TMPRSS4: variants seen among roughly 807,000 people sequenced by gnomAD.
The protein encoded by TMPRSS4 is transmembrane serine protease 4.
Under a neutral mutation model 56.4 loss-of-function variants are expected in TMPRSS4, and 45 were observed. The observed-to-expected ratio is 0.80, with a 90% confidence interval of 0.63 to 1.02. The LOEUF (loss-of-function observed/expected upper bound fraction) is 1.02, where lower values mean the gene tolerates loss of function less well. Among genes scored for constraint, TMPRSS4 ranks in the 50% least tolerant of loss-of-function variants. TMPRSS4 has a pLI of 0.00. For synonymous variants in TMPRSS4, 205 were observed against 211.0 expected (o/e 0.97, Z 0.25); for missense variants, 546 against 556.7 (o/e 0.98, Z 0.19).
At chr11:118,113,551 GC>G in intron 9 of TMPRSS4, 116 bp downstream of exon 9, 1 of 1,244,128 alleles carries the variant, frequency 8.0e-7, no homozygotes, top group Non-Finnish European at 1.1e-6. Flanking sequence ...TCCTCAGCTT[GC>G]CCATTTGTCT....
chr11:118,088,521 T>C (rs1247207559), intron 1 of TMPRSS4, among the ~76,000 whole-genome samples: 1 of 152,166 alleles, frequency 6.6e-6, no homozygotes, highest in Non-Finnish European at 1.5e-5. Context: ...ACCTGGGCCC[T>C]GGGGGCCTGG....
At chr11:118,080,822 G>A (rs1320173215) in intron 1 of TMPRSS4, among the ~76,000 whole-genome samples, 4 of 152,132 alleles carry the variant, frequency 2.6e-5, no homozygotes, top group East Asian at 1.9e-4. Flanking sequence ...AAATCTCCAC[G>A]GCCTCAGACT....
At chr11:118,122,011 AT>A (rs1439051186), downstream of TMPRSS4, 2 of 152,224 alleles carry the variant, frequency 1.3e-5, no homozygotes, top group African/African-American at 4.8e-5. Flanking sequence ...CACCAAAAGA[AT>A]GGAAATAAAA....
intron 11 of TMPRSS4, 163 bp downstream of exon 11, chr11:118,115,443 A>C: frequency 1.2e-6 from 1 of 807,542 alleles, no homozygotes; most frequent in South Asian, 1.8e-5. Flanking sequence ...GGATAGTCAG[A>C]TAAAAGTGTA....
chr11:118,103,392 G>GTTTGTTTGTTTGT (rs779403118), intron 4 of TMPRSS4, 139 bp downstream of exon 4: 48 of 1,154,494 alleles, frequency 4.2e-5, no homozygotes, highest in Middle Eastern at 2.9e-4. Context: ...TTGTTTGTTT[G>GTTTGTTTGTTTGT]TTGTTGTTTT....
chr11:118,092,190 G>A (rs901044756), intron 1 of TMPRSS4, among the ~76,000 whole-genome samples: 4 of 152,028 alleles, frequency 2.6e-5, no homozygotes, highest in Non-Finnish European at 4.4e-5. Flanking sequence ...TGGTGTAACC[G>A]CCCAAGGGGT....
intron 9 of TMPRSS4, 77 bp from the exon 10 acceptor site, chr11:118,114,752 A>T: frequency 7.1e-7 from 1 of 1,399,244 alleles, no homozygotes; most frequent in South Asian, 1.2e-5. Context: ...CCCCATAATC[A>T]TAAAGCATCA....
chr11:118,125,305 T>C (rs992971161), downstream of TMPRSS4: 10 of 456,644 alleles, frequency 2.2e-5, no homozygotes, highest in Non-Finnish European at 4.4e-5. Flanking sequence ...GATAGAACTA[T>C]TCAGAGAAGC....
At chr11:118,111,286 G>A (rs1947264243) in intron 7 of TMPRSS4, among the ~76,000 whole-genome samples, 1 of 152,166 alleles carries the variant, frequency 6.6e-6, no homozygotes, top group African/African-American at 2.4e-5. Flanking sequence ...CCCTGGCCGG[G>A]GAAACAGACT....
In TMPRSS4 at chr11:118,118,517, G is replaced by T. The variant is rs1366214361; in HGVS notation, c.*604G>T. On this transcript the variant is annotated 3_prime_UTR_variant, in exon 13 of 13. Coordinates refer to ENST00000437212, the MANE Select transcript of TMPRSS4 (RefSeq NM_019894.4). ...GGGATGATTGAACTTTCATTCTTTG[G>T]CTTGGGGAGAAAAGAAGTCCTGGGG... 5.1e-6 allele frequency: 5 copies of T among 985,428 alleles called. No homozygotes were observed. The African/African-American group carries it at 8.7e-5, about 17-fold the overall frequency. The allele number at this position is 985,428 out of a possible 1,614,324, so 61.0% of individuals were successfully genotyped here. A position where few individuals can be genotyped will look rare whatever the true frequency, so the allele number is the denominator to read the frequency against.
intron 1 of TMPRSS4, among the ~76,000 whole-genome samples, chr11:118,093,819 C>CG (rs1194776855): frequency 5.8e-4 from 1 of 1,734 alleles, no homozygotes; most frequent in Non-Finnish European, 1.7e-3. Flanking sequence ...TAACTAACTG[C>CG]CCCCCCCAAT....
At chr11:118,090,614 G>GA (rs11369045) in intron 1 of TMPRSS4, among the ~76,000 whole-genome samples, 110,694 of 138,392 alleles carry the variant, frequency 0.8, 46,608 homozygotes, top group Non-Finnish European at 0.93. Context: ...TCATCTCTAC[G>GA]AAAAAAAAAA....
At chr11:118,115,318 G>A (rs1456704995) in intron 11 of TMPRSS4, 38 bp downstream of exon 11, 1 of 1,606,698 alleles carries the variant, frequency 6.2e-7, no homozygotes, top group African/African-American at 1.3e-5. Context: ...TCTAAGAATA[G>A]GGTTTAGGTC....
Position 118,103,087 on chromosome 11 carries a change from C to A in TMPRSS4, c.158-14C>A, listed in dbSNP as rs531883330. On this transcript the variant is annotated splice_polypyrimidine_tract_variant and intron_variant, in intron 3 of 12. Coordinates refer to ENST00000437212, the MANE Select transcript of TMPRSS4 (RefSeq NM_019894.4). The stretch of plus-strand genomic sequence containing the variant: ...CCTCAGCCCTCTCTGCCTCTCCCTG[C>A]ACTTGCCTTCCAGTCAAGGTGATTC... 3 of 1,613,714 alleles carry A rather than the reference C, an allele frequency of 1.9e-6. No homozygotes were observed. The African/African-American group carries it at 4.0e-5, about 21-fold the overall frequency.
chr11:118,104,706 A>T lies in TMPRSS4; in HGVS notation c.326A>T (p.Asp109Val). The T allele has an allele frequency of 6.2e-7, 1 of 1,613,380 alleles. No individual in the cohort carries two copies. The highest frequency in any genetic ancestry group is 8.5e-7 in the Non-Finnish European group (1 of 1,179,804). ...GPAVAVRLSK[D>V]RSTLQVLDSA... is the part of the protein sequence containing the mutation. ...TTCCTCCCAGTCCGCCTCTCCAAGGACCGATCCACACTGCAGGTGCTGGAC... is the reference window on the plus strand; with the variant it reads ...TTCCTCCCAGTCCGCCTCTCCAAGGTCCGATCCACACTGCAGGTGCTGGAC... The change falls in exon 5 of 13, where the codon GAC (aspartate) becomes GTC (valine). Residue 109 changes from aspartate (D) to valine (V), a missense_variant. Transcript: ENST00000437212.
At position 118,114,854 on chromosome 11, in the gene TMPRSS4, C is replaced by G. The variant is rs1196546255; in HGVS notation, c.936C>G (p.Pro312=). The change falls in exon 10 of 13, where the codon CCC becomes CCG. Residue 312 remains proline, a synonymous_variant. Coordinates refer to ENST00000437212, the MANE Select transcript of TMPRSS4 (RefSeq NM_019894.4). Reference sequence around the variant, plus strand: ...GCACAGTCAGGCCCATCTGTCTGCCCTTCTTTGATGAGGAGCTCACTCCAG... The same window carrying G: ...GCACAGTCAGGCCCATCTGTCTGCCGTTCTTTGATGAGGAGCTCACTCCAG... ...FSGTVRPICL[P]FFDEELTPAT... 1.2e-6 allele frequency: 2 copies of G among 1,608,746 alleles called. No homozygotes were observed. Among genetic ancestry groups the G allele is most frequent in the African/African-American group, 2.7e-5 (2 of 74,892 alleles).
intron 2 of TMPRSS4, chr11:118,095,359 C>T: frequency 6.0e-6 from 1 of 165,416 alleles, no homozygotes; most frequent in Non-Finnish European, 1.3e-5. Flanking sequence ...TTTTCTTAAA[C>T]CATTAATATC....
chr11:118,078,182 G>A (rs59854599), intron 1 of TMPRSS4, among the ~76,000 whole-genome samples: 4,169 of 152,124 alleles, frequency 0.027, 144 homozygotes, highest in East Asian at 0.11. Context: ...TCGCTGTCTT[G>A]GGGCAAAGAG....
chr11:118,102,134 A>G lies in TMPRSS4; in HGVS notation c.158-967A>G, dbSNP rs149296100. ...GTATAAAGCCCAGCAACCATTAGCT[A>G]TATTTCCTGATGCTCTCCCTCCTCC... On this transcript the variant is annotated intron_variant, in intron 3 of 12. Coordinates refer to ENST00000437212, the MANE Select transcript of TMPRSS4 (RefSeq NM_019894.4). 6.4e-4 allele frequency among the ~76,000 whole-genome samples: 98 copies of G among 152,160 alleles called. 1 individual carries two copies. Among genetic ancestry groups the G allele is most frequent in the Middle Eastern group, 6.8e-3 (2 of 294 alleles).
Sources: gnomAD v4.1 joint callset for allele counts (sites outside exome capture counted in the v4.1 genomes callset) on GRCh38, gnomAD v4.1.1 for gene constraint, MANE v1.5 for transcripts, NCBI Gene and HGNC (gene_info 2026-07-23, HGNC 2026-07-21) for gene names.